THSD4: variants seen among roughly 807,000 people sequenced by gnomAD.
THSD4 encodes the protein thrombospondin type-1 domain-containing protein 4.
A neutral mutation model predicts 119.0 loss-of-function variants in THSD4; 69 were observed. The observed-to-expected ratio is 0.58, with a 90% CI of 0.48 to 0.71. THSD4 has a LOEUF of 0.71. Among genes scored for constraint, THSD4 ranks in the 30% least tolerant of loss-of-function variants. The pLI, the probability that THSD4 is intolerant of heterozygous loss-of-function variation, is 0.00. For missense variants in THSD4, 1,393 were observed against 1,391.1 expected (o/e 1.00, Z -0.02); for synonymous variants, 524 against 540.4 (o/e 0.97, Z 0.42).
chr15:71,597,819 G>A (rs7177013), intron 7 of THSD4, among the ~76,000 whole-genome samples: 24,187 of 152,144 alleles, frequency 0.16, 2,481 homozygotes, highest in East Asian at 0.48. Flanking sequence ...CTTCCAAGAT[G>A]CCAGGGCCCT....
chr15:71,780,548 A>C lies in THSD4; in HGVS notation c.*3174A>C, dbSNP rs1595944843. ...CAAACAAAAACACCAAAAGAAAAAAAAAAGCCATTTAAAGCCAGCCACTAG... is the reference window on the plus strand; with the variant it reads ...CAAACAAAAACACCAAAAGAAAAAACAAAGCCATTTAAAGCCAGCCACTAG... On this transcript the variant is annotated 3_prime_UTR_variant, in exon 18 of 18. Coordinates refer to ENST00000261862, the MANE Select transcript of THSD4 (RefSeq NM_024817.3). The C allele has an allele frequency of 3.0e-6, 1 of 335,088 alleles. No homozygotes were observed. Among genetic ancestry groups the C allele is most frequent in the South Asian group, 2.4e-5 (1 of 41,432 alleles). 20.8% of individuals were successfully genotyped at this position (335,088 alleles called of 1,614,324 possible). A position where few individuals can be genotyped will look rare whatever the true frequency, so the allele number is the denominator to read the frequency against.
At chr15:71,605,476 C>T (rs1361728259) in intron 7 of THSD4, among the ~76,000 whole-genome samples, 1 of 152,144 alleles carries the variant, frequency 6.6e-6, no homozygotes, top group Non-Finnish European at 1.5e-5. Flanking sequence ...GTGGACAGAA[C>T]AGAAGAAGAA....
intron 3 of THSD4, among the ~76,000 whole-genome samples, chr15:71,195,821 A>G (rs999999596): frequency 6.6e-6 from 1 of 152,132 alleles, no homozygotes; most frequent in African/African-American, 2.4e-5. Context: ...ATTATTGAGC[A>G]TTCCCTACAT....
intron 3 of THSD4, among the ~76,000 whole-genome samples, chr15:71,203,440 A>T (rs767712691): frequency 6.6e-6 from 1 of 152,118 alleles, no homozygotes; most frequent in African/African-American, 2.4e-5. Flanking sequence ...AGATCACTTG[A>T]GGTCAGGAGT....
chr15:71,297,247 G>A (rs1263141400), intron 6 of THSD4, among the ~76,000 whole-genome samples: 2 of 150,056 alleles, frequency 1.3e-5, no homozygotes, highest in South Asian at 2.1e-4. Flanking sequence ...ATGTTTTTGT[G>A]TGCTTATTGG....
At chr15:71,464,991 C>G (rs1450265432) in intron 7 of THSD4, among the ~76,000 whole-genome samples, 2 of 151,978 alleles carry the variant, frequency 1.3e-5, no homozygotes, top group Non-Finnish European at 1.5e-5. Flanking sequence ...CATTTTAAAC[C>G]TTCCAAATTG....
At chr15:71,489,419 C>T (rs575804629) in intron 7 of THSD4, among the ~76,000 whole-genome samples, 40 of 152,200 alleles carry the variant, frequency 2.6e-4, no homozygotes, top group South Asian at 1.7e-3. Flanking sequence ...CCCCAAATTG[C>T]ATAAATCTCA....
At chr15:71,634,558 T>C (rs1192392820) in intron 7 of THSD4, among the ~76,000 whole-genome samples, 1 of 152,120 alleles carries the variant, frequency 6.6e-6, no homozygotes. Context: ...CCCCATAAGA[T>C]TTAGGAGAAG....
In THSD4 at chr15:71,628,457, A is replaced by G. The variant is rs369500093; in HGVS notation, c.1153-32073A>G. ...ATCCAAGGTGGCGCAGCAATCAAGG[A>G]GCAGAACGGGAATTTGAAGCAAGGT... is the stretch of plus-strand genomic sequence containing the variant. On this transcript the variant is annotated intron_variant, in intron 7 of 17. Coordinates refer to ENST00000261862, the MANE Select transcript of THSD4 (RefSeq NM_024817.3). Among the ~76,000 whole-genome samples the G allele has an allele frequency of 3.9e-5, 6 of 152,326 alleles. No individual in the cohort carries two copies. The East Asian group carries it at 9.6e-4, about 24-fold the overall frequency.
intron 6 of THSD4, among the ~76,000 whole-genome samples, chr15:71,271,774 A>G (rs1049089338): frequency 1.3e-5 from 2 of 152,206 alleles, no homozygotes; most frequent in African/African-American, 4.8e-5. Context: ...GAACTATTCT[A>G]AGGCTTTCTA....
At chr15:71,597,935 C>T (rs925727008) in intron 7 of THSD4, among the ~76,000 whole-genome samples, 5 of 152,242 alleles carry the variant, frequency 3.3e-5, no homozygotes, top group East Asian at 1.9e-4. Flanking sequence ...ATTTAGTGAG[C>T]GCCAGACATT....
intron 3 of THSD4, among the ~76,000 whole-genome samples, chr15:71,203,457 C>G (rs1461711582): frequency 6.6e-6 from 1 of 151,888 alleles, no homozygotes; most frequent in East Asian, 1.9e-4. Context: ...GAGTTCAAGA[C>G]CAGCCTGGCC....
At chr15:71,103,775 GAAA>G (rs999716980) in intron 1 of THSD4, among the ~76,000 whole-genome samples, 6 of 143,636 alleles carry the variant, frequency 4.2e-5, no homozygotes, top group Non-Finnish European at 3.1e-5. Flanking sequence ...TGGAAAGAAG[GAAA>G]AAAAAAAACA....
intron 6 of THSD4, among the ~76,000 whole-genome samples, chr15:71,338,299 G>A (rs938201531): frequency 9.2e-5 from 13 of 142,000 alleles, no homozygotes; most frequent in African/African-American, 2.4e-4. Context: ...GCTTCTTTCC[G>A]AACACTCAGC....
At chr15:71,498,896 G>A (rs924642031) in intron 7 of THSD4, among the ~76,000 whole-genome samples, 1 of 150,584 alleles carries the variant, frequency 6.6e-6, no homozygotes, top group African/African-American at 2.4e-5. Context: ...GTAGAGATGG[G>A]GTTTTGCCAT....
chr15:71,584,255 T>TTC (rs1555429233), intron 7 of THSD4, among the ~76,000 whole-genome samples: 3 of 131,760 alleles, frequency 2.3e-5, no homozygotes, highest in East Asian at 2.3e-4. Context: ...ATTTTTTTTT[T>TTC]CACTTTCTTT....
intron 7 of THSD4, among the ~76,000 whole-genome samples, chr15:71,422,946 G>T (rs987134360): frequency 3.3e-5 from 5 of 152,046 alleles, no homozygotes; most frequent in Admixed American, 6.5e-5. Context: ...GCAAGCAGAG[G>T]AGTCTGTCCC....
At chr15:71,403,564 T>A (rs2046567093) in intron 6 of THSD4, among the ~76,000 whole-genome samples, 1 of 152,238 alleles carries the variant, frequency 6.6e-6, no homozygotes, top group South Asian at 2.1e-4. Flanking sequence ...TCTTGTACTC[T>A]TACAAGTCTT....
chr15:71,115,951 G>A lies in THSD4; in HGVS notation c.-80+253G>A, dbSNP rs1312394265. ...TTGCTGGGAGTCTTGCTCTGTGCTG[G>A]CGCCGGCGCTCATCCCTCCACCCTC... On this transcript the variant is annotated intron_variant, in intron 1 of 17. Transcript: ENST00000261862. This position sits in a 1 kb window ranked among gnomAD's most constrained non-coding sequence, Gnocchi z 4.4. Among the ~76,000 whole-genome samples, 1 of 152,164 alleles carries A rather than the reference G, an allele frequency of 6.6e-6. No individual in the cohort carries two copies. The highest frequency in any genetic ancestry group is 1.5e-5 in the Non-Finnish European group (1 of 68,014).
Sources: gnomAD v4.1 joint callset for allele counts (sites outside exome capture counted in the v4.1 genomes callset) on GRCh38, gnomAD v4.1.1 for gene constraint, Gnocchi (gnomAD v3.1) non-coding constraint, MANE v1.5 for transcripts, NCBI Gene and HGNC (gene_info 2026-07-23, HGNC 2026-07-21) for gene names.